The following RPTOR variants were observed in gnomAD, a reference collection of about 807,000 sequenced individuals.
RPTOR encodes the protein regulatory-associated protein of mTOR.
In RPTOR, 21 loss-of-function variants were observed where a neutral mutation model predicts 169.9. That is an observed-to-expected ratio of 0.12 (90% CI 0.09 to 0.18). RPTOR has a LOEUF of 0.18. Among genes scored for constraint, RPTOR ranks in the 10% least tolerant of loss-of-function variants. The pLI is 1.00. For synonymous variants in RPTOR, 732 were observed against 753.2 expected, an observed-to-expected ratio of 0.97 and a Z score of 0.46; for missense variants, 1,133 against 1,855.9, an observed-to-expected ratio of 0.61 and a Z score of 7.16.
At chr17:80,864,722 T>C (rs755122105) in intron 13 of RPTOR, among the ~76,000 whole-genome samples, 56 of 152,228 alleles carry the variant, frequency 3.7e-4, no homozygotes, top group Non-Finnish European at 7.6e-4. Context: ...CAGAAATGAG[T>C]ACTATGTGGA....
In RPTOR at chr17:80,714,968, C is replaced by T. The variant is rs541043539; in HGVS notation, c.507+6969C>T. ...AAACCCCTGACGTCAAGTGATCCTC[C>T]CACCTTGGCCTCCCAAAGTGCTGGG... On this transcript the variant is annotated intron_variant, in intron 4 of 33. Transcript: ENST00000306801. Among the ~76,000 whole-genome samples the T allele has an allele frequency of 1.5e-4, 23 of 152,330 alleles. No individual in the cohort carries two copies. In the South Asian group the frequency reaches 4.3e-3, roughly 29 times the overall value.
In RPTOR at chr17:80,814,230, A is replaced by G. The variant is rs181682296; in HGVS notation, c.891-7971A>G. ...TCCTTCTTATTTAAAAAAAGGGGGG[A>G]AAAGTTTTGTTTTCCTTTAATACGT... On this transcript the variant is annotated intron_variant, in intron 7 of 33. Coordinates refer to ENST00000306801, the MANE Select transcript of RPTOR (RefSeq NM_020761.3). 2.4e-3 allele frequency among the ~76,000 whole-genome samples: 363 copies of G among 152,058 alleles called. 4 individuals carry two copies. Among genetic ancestry groups the G allele is most frequent in the African/African-American group, 8.0e-3 (333 of 41,440 alleles).
rs1487109849 is a variant in RPTOR at position 80,662,777 on chromosome 17, C to T, written c.348+18967C>T. Among the ~76,000 whole-genome samples the T allele has an allele frequency of 2.0e-5, 3 of 152,186 alleles. No individual in the cohort carries two copies. In the East Asian group the frequency reaches 5.8e-4, roughly 29 times the overall value. On this transcript the variant is annotated intron_variant, in intron 3 of 33. Coordinates refer to ENST00000306801, the MANE Select transcript of RPTOR (RefSeq NM_020761.3). ...CTACATCTTAGCAGAATTCAGGCCC[C>T]TCACATAATCCTAATCTCATGGCCT...
intron 1 of RPTOR, among the ~76,000 whole-genome samples, chr17:80,568,566 G>A (rs890010396): frequency 6.6e-6 from 1 of 152,140 alleles, no homozygotes; most frequent in Admixed American, 6.5e-5. Context: ...TGATTAGCCT[G>A]CTTATGGTTT....
At chr17:80,776,340 T>TTA (rs11403285) in intron 6 of RPTOR, among the ~76,000 whole-genome samples, 39 of 148,290 alleles carry the variant, frequency 2.6e-4, no homozygotes, top group African/African-American at 7.7e-4. Flanking sequence ...TTTTTTTTTT[T>TTA]GAGATGGAGT....
Position 80,922,667 on chromosome 17 carries a change from C to G in RPTOR, c.2521-57C>G, listed in dbSNP as rs1218501294. On this transcript the variant is annotated intron_variant, in intron 21 of 33. Transcript: ENST00000306801. ...CCACGCCAGCCTCTGCTTCGTGTGG[C>G]GGCCTCCGCGGAGCACGTCCCGTCT... 8 of 1,377,716 alleles carry G rather than the reference C, an allele frequency of 5.8e-6. 1 individual carries two copies. Among genetic ancestry groups the G allele is most frequent in the Non-Finnish European group, 4.0e-6 (4 of 997,654 alleles). The allele number at this position is 1,377,716 out of a possible 1,614,324, so 85.3% of individuals were successfully genotyped here. A position where few individuals can be genotyped will look rare whatever the true frequency, so the allele number is the denominator to read the frequency against.
Position 80,957,295 on chromosome 17 carries a change from T to G in RPTOR, c.3371-329T>G, listed in dbSNP as rs1344050662. 7.6e-6 allele frequency among the ~76,000 whole-genome samples: 1 copy of G among 131,594 alleles called. No individual in the cohort carries two copies. Among genetic ancestry groups the G allele is most frequent in the Non-Finnish European group, 1.6e-5 (1 of 61,858 alleles). The allele number at this position is 131,594 out of a possible 152,430, so 86.3% of individuals were successfully genotyped here. On this transcript the variant is annotated intron_variant, in intron 28 of 33. Transcript: ENST00000306801. This position sits in a 1 kb window ranked among gnomAD's most constrained non-coding sequence, Gnocchi z 4.6. ...TGTCACCCCGGCCTGGACTTGGGAG[T>G]TCCAGCTTAGAATTGTCACCCCGGC...
intron 9 of RPTOR, among the ~76,000 whole-genome samples, chr17:80,828,304 C>T (rs2067467025): frequency 6.6e-6 from 1 of 152,152 alleles, no homozygotes; most frequent in African/African-American, 2.4e-5. Context: ...GAAGGATGTG[C>T]GCCTCATATG....
chr17:80,801,006 C>G (rs1252865708), intron 7 of RPTOR, among the ~76,000 whole-genome samples: 2 of 152,214 alleles, frequency 1.3e-5, no homozygotes, highest in East Asian at 3.8e-4. Flanking sequence ...ACAGCAGGTG[C>G]GGGGCTGCAG....
At chr17:80,686,470 G>T (rs977983727) in intron 3 of RPTOR, among the ~76,000 whole-genome samples, 2 of 151,860 alleles carry the variant, frequency 1.3e-5, no homozygotes, top group African/African-American at 4.9e-5. Flanking sequence ...TGAGACTTAA[G>T]TGCGTCACTG....
intron 1 of RPTOR, among the ~76,000 whole-genome samples, chr17:80,604,321 G>A (rs1253683568): frequency 1.3e-5 from 2 of 152,236 alleles, no homozygotes; most frequent in African/African-American, 4.8e-5. Flanking sequence ...GATACAGAAT[G>A]CTGGCAGAGT....
chr17:80,827,076 G>A (rs2067452707), intron 9 of RPTOR, among the ~76,000 whole-genome samples: 1 of 152,210 alleles, frequency 6.6e-6, no homozygotes. Context: ...TCCTGGCAAA[G>A]CAGTGAATGT....
chr17:80,818,985 C>T (rs1038383837), intron 7 of RPTOR, among the ~76,000 whole-genome samples: 1 of 152,172 alleles, frequency 6.6e-6, no homozygotes, highest in Admixed American at 6.5e-5. Flanking sequence ...ACAGCAGGGG[C>T]TCTATGAGCT....
intron 16 of RPTOR, 100 bp from the exon 17 acceptor site, chr17:80,884,908 C>T (rs1188551267): frequency 2.1e-5 from 30 of 1,448,252 alleles, no homozygotes; most frequent in African/African-American, 2.8e-5. Context: ...GAGCAAGCGC[C>T]TGTGGGGTTG....
chr17:80,937,966 C>T (rs1199661707), intron 24 of RPTOR, among the ~76,000 whole-genome samples: 5 of 152,220 alleles, frequency 3.3e-5, no homozygotes, highest in South Asian at 2.1e-4. Context: ...GTTCCGGAAC[C>T]GCGTCCCGTT....
intron 6 of RPTOR, chr17:80,774,075 A>C (rs2066870197): frequency 1.0e-6 from 1 of 985,292 alleles, no homozygotes; most frequent in Admixed American, 6.1e-5. Flanking sequence ...AGCACTGATC[A>C]TTGTGTTCAC....
chr17:80,742,812 A>C (rs1453794334), intron 5 of RPTOR, among the ~76,000 whole-genome samples: 1 of 152,050 alleles, frequency 6.6e-6, no homozygotes, highest in African/African-American at 2.4e-5. Context: ...CTATATACAC[A>C]TATATACATG....
At chr17:80,660,461 G>A (rs917256997) in intron 3 of RPTOR, among the ~76,000 whole-genome samples, 13 of 152,058 alleles carry the variant, frequency 8.5e-5, no homozygotes, top group African/African-American at 3.1e-4. Context: ...TGGCACCTTA[G>A]AGTTTATGAA....
chr17:80,810,092 TA>T (rs1555621743), intron 7 of RPTOR, among the ~76,000 whole-genome samples: 1 of 148,532 alleles, frequency 6.7e-6, no homozygotes, highest in Admixed American at 6.7e-5. Flanking sequence ...AATAAATAAA[TA>T]AAACAGTCTT....
Sources: gnomAD v4.1 joint callset for allele counts (sites outside exome capture counted in the v4.1 genomes callset) on GRCh38, gnomAD v4.1.1 for gene constraint, Gnocchi (gnomAD v3.1) non-coding constraint, MANE v1.5 for transcripts, NCBI Gene and HGNC (gene_info 2026-07-23, HGNC 2026-07-21) for gene names.